The following EXOSC10 variants were observed in gnomAD, a reference collection of about 807,000 sequenced individuals.
The protein encoded by EXOSC10 is exosome complex component 10.
EXOSC10 carries 94 observed loss-of-function variants against 126.6 expected under a neutral mutation model. That is an observed-to-expected ratio of 0.74 (90% confidence interval 0.63 to 0.88). EXOSC10 has a LOEUF of 0.88. Among genes scored for constraint, EXOSC10 ranks in the 40% least tolerant of loss-of-function variants. The pLI, the probability that EXOSC10 is intolerant of heterozygous loss-of-function variation, is 0.00. For missense variants in EXOSC10, 1,041 were observed against 1,100.5 expected (o/e 0.95, Z 0.77); for synonymous variants, 395 against 400.8 (o/e 0.99, Z 0.17).
At position 11,080,563 on chromosome 1, in the gene EXOSC10, A is replaced by ACAC. The variant is rs1553166014; in HGVS notation, c.1587-15_1587-14insGTG. ...GGCAGTACATATCTGGAAAAAAAAA[A>ACAC]ACACACACACACACACACACACACA... On this transcript the variant is annotated splice_polypyrimidine_tract_variant and intron_variant, in intron 12 of 24. Coordinates refer to ENST00000376936, the MANE Select transcript of EXOSC10 (RefSeq NM_001001998.3). 696 of 1,423,150 alleles carry ACAC rather than the reference A, an allele frequency of 4.9e-4. 3 individuals are homozygous for ACAC. The African/African-American group carries it at 7.4e-3, about 15-fold the overall frequency. The allele number at this position is 1,423,150 out of a possible 1,614,324, so 88.2% of individuals were successfully genotyped here. A position where few individuals can be genotyped will look rare whatever the true frequency, so the allele number is the denominator to read the frequency against.
At chr1:11,077,826 A>G (rs1639905936) in intron 14 of EXOSC10, among the ~76,000 whole-genome samples, 175 bp from the exon 15 acceptor site, 1 of 152,196 alleles carries the variant, frequency 6.6e-6, no homozygotes, top group South Asian at 2.1e-4. Flanking sequence ...GGTGCTCAAT[A>G]ATTATTTGTA....
chr1:11,095,989 T>TC, intron 2 of EXOSC10, 108 bp from the exon 3 acceptor site: 1 of 249,650 alleles, frequency 4.0e-6, no homozygotes, highest in Non-Finnish European at 6.5e-6. Flanking sequence ...CCAACACATC[T>TC]TTTTTTTTTT....
Position 11,097,968 on chromosome 1 carries a change from C to G in EXOSC10, c.248+52G>C, listed in dbSNP as rs80094193. On this transcript the variant is annotated intron_variant, in intron 2 of 24. Transcript: ENST00000376936. Reference sequence around the variant, plus strand: ...AATTTCAGGAAAAATTTATCTACTTCTTTGTTTTCATTTCTTTTCACTAAC... The same window carrying G: ...AATTTCAGGAAAAATTTATCTACTTGTTTGTTTTCATTTCTTTTCACTAAC... 1.5e-3 allele frequency: 2,175 copies of G among 1,436,726 alleles called. 30 individuals carry two copies. In the African/African-American group the frequency reaches 0.028, roughly 19 times the overall value. 89.0% of individuals were successfully genotyped at this position (1,436,726 alleles called of 1,614,324 possible).
Position 11,077,760 on chromosome 1 carries a change from C to T in EXOSC10, c.1750-109G>A, listed in dbSNP as rs1026342674. ...CTTCACCAGCCTGTTTCTCAAAAGC[C>T]CAGAGATTTTCTTTCCTCTCTTCAC... is the stretch of plus-strand genomic sequence containing the variant. On this transcript the variant is annotated intron_variant, in intron 14 of 24. Coordinates refer to ENST00000376936, the MANE Select transcript of EXOSC10 (RefSeq NM_001001998.3). 2.1e-5 allele frequency: 20 copies of T among 947,296 alleles called. 1 individual carries two copies. The African/African-American group carries it at 3.1e-4, about 15-fold the overall frequency. 58.7% of individuals were successfully genotyped at this position (947,296 alleles called of 1,614,324 possible). A position where few individuals can be genotyped will look rare whatever the true frequency, so the allele number is the denominator to read the frequency against.
chr1:11,090,589 G>C lies in EXOSC10; in HGVS notation c.723C>G (p.Ile241Met), dbSNP rs1213880199. 2 of 1,614,018 alleles carry C rather than the reference G, an allele frequency of 1.2e-6. No homozygotes were observed. The highest frequency in any genetic ancestry group is 1.7e-5 in the Admixed American group (1 of 59,994). Reference protein sequence around the residue: ...LDVPPALADFIHQQRTQQVEQ... With the variant: ...LDVPPALADFMHQQRTQQVEQ... ...CAACCTGCTGGGTTCTCTGCTGATG[G>C]ATGAAATCAGCCAGTGCAGGGGGGA... is the stretch of plus-strand genomic sequence containing the variant. Residue 241 changes from isoleucine to methionine, a missense_variant, in exon 6 of 25, where the codon ATC (isoleucine) becomes ATG (methionine). Around this residue, in one of 3 missense-constraint regions of EXOSC10, gnomAD observed 645 missense variants for 656.3 expected, o/e 0.98. Coordinates refer to ENST00000376936, the MANE Select transcript of EXOSC10 (RefSeq NM_001001998.3).
intron 17 of EXOSC10, among the ~76,000 whole-genome samples, chr1:11,075,400 T>C (rs1639752077): frequency 6.6e-6 from 1 of 152,146 alleles, no homozygotes; most frequent in Admixed American, 6.5e-5. Context: ...TTCATAAATA[T>C]GTGCTATCCT....
At chr1:11,082,571 G>C (rs1452957586) in intron 10 of EXOSC10, 117 bp downstream of exon 10, 11 of 1,524,288 alleles carry the variant, frequency 7.2e-6, no homozygotes, top group Non-Finnish European at 9.7e-6. Flanking sequence ...CGAAAAGCCT[G>C]ATGCCATTCA....
intron 21 of EXOSC10, among the ~76,000 whole-genome samples, chr1:11,069,968 G>A (rs1639362801): frequency 6.6e-6 from 1 of 152,182 alleles, no homozygotes; most frequent in African/African-American, 2.4e-5. Flanking sequence ...AGGTGCAGTG[G>A]CTCATGCCTA....
chr1:11,097,047 T>TA (rs962205475), intron 2 of EXOSC10, among the ~76,000 whole-genome samples: 1 of 151,744 alleles, frequency 6.6e-6, no homozygotes, highest in African/African-American at 2.4e-5. Context: ...CCTCCTCTAC[T>TA]AAAAATACAA....
chr1:11,067,957 C>A lies in EXOSC10; in HGVS notation c.2627+51G>T, dbSNP rs117412229. 5.1e-3 allele frequency: 7,754 copies of A among 1,522,744 alleles called. 51 individuals are homozygous for A. The highest frequency in any genetic ancestry group is 0.012 in the South Asian group (1,027 of 88,822). The allele number at this position is 1,522,744 out of a possible 1,614,324, so 94.3% of individuals were successfully genotyped here. ...TCCCCACGGACCACACCACGCAGGG[C>A]AGGTGCTTTCTCACTGGGCTCCCTG... On this transcript the variant is annotated intron_variant, in intron 24 of 24. Coordinates refer to ENST00000376936, the MANE Select transcript of EXOSC10 (RefSeq NM_001001998.3).
At chr1:11,094,704 G>C (rs149734928) in intron 3 of EXOSC10, among the ~76,000 whole-genome samples, 1 of 151,598 alleles carries the variant, frequency 6.6e-6, no homozygotes, top group South Asian at 2.1e-4. Context: ...GGGTTCAAGC[G>C]ATTCTCCTGC....
At position 11,098,138 on chromosome 1, in the gene EXOSC10, C is replaced by A; in HGVS notation, c.130G>T (p.Val44Leu). The A allele has an allele frequency of 6.2e-7, 1 of 1,608,084 alleles. No homozygotes were observed. Among genetic ancestry groups the A allele is most frequent in the Non-Finnish European group, 8.5e-7 (1 of 1,178,420 alleles). ...CCCCCAGATGCCTTGGTGACTGCCA[C>A]CACGGACCCAAGAGCAAACTGTCAA... ...SFVKFALGSV[V>L]AVTKASGGLP... Residue 44 changes from valine (V) to leucine (L), a missense_variant, in exon 2 of 25, where the codon GTG (valine) becomes TTG (leucine). By Grantham distance (32) the Val-to-Leu change is conservative. Coordinates refer to ENST00000376936, the MANE Select transcript of EXOSC10 (RefSeq NM_001001998.3).
intron 20 of EXOSC10, 81 bp from the exon 21 acceptor site, chr1:11,071,054 G>T: frequency 1.5e-6 from 2 of 1,344,276 alleles, no homozygotes; most frequent in Non-Finnish European, 1.0e-6. Flanking sequence ...CTCCGACTTG[G>T]CCTAGCCACA....
rs70977546 is a variant in EXOSC10 at position 11,096,471 on chromosome 1, CTTTTTTTTTTTT to C, written c.249-602_249-591del. Among the ~76,000 whole-genome samples the C allele has an allele frequency of 3.4e-5, 4 of 118,804 alleles. No homozygotes were observed. In the Admixed American group the frequency reaches 3.6e-4, roughly 11 times the overall value. The allele number at this position is 118,804 out of a possible 152,430, so 77.9% of individuals were successfully genotyped here. ...AGCCTTTTTCTTTCTTTCTTTCTTT[CTTTTTTTTTTTT>C]TTTTTTTTAAAGAGACAGGGTCTTG... On this transcript the variant is annotated intron_variant, in intron 2 of 24. Coordinates refer to ENST00000376936, the MANE Select transcript of EXOSC10 (RefSeq NM_001001998.3).
At chr1:11,071,362 G>A (rs1411979785) in intron 20 of EXOSC10, 1 of 227,852 alleles carries the variant, frequency 4.4e-6, no homozygotes, top group East Asian at 1.0e-4. Flanking sequence ...CTTCATCCAA[G>A]GTTCCCTTCC....
intron 14 of EXOSC10, among the ~76,000 whole-genome samples, chr1:11,078,718 A>C (rs974496121): frequency 1.3e-5 from 2 of 152,124 alleles, no homozygotes; most frequent in Non-Finnish European, 2.9e-5. Context: ...GGGAGCTATC[A>C]CTTCACATCT....
intron 21 of EXOSC10, 60 bp downstream of exon 21, chr1:11,070,840 T>A: frequency 1.4e-6 from 2 of 1,460,688 alleles, no homozygotes; most frequent in Non-Finnish European, 1.9e-6. Context: ...CCAAGGAAGA[T>A]CCTGACCACA....
chr1:11,095,693 G>A, intron 3 of EXOSC10, 65 bp downstream of exon 3: 10 of 1,492,298 alleles, frequency 6.7e-6, no homozygotes, highest in Admixed American at 1.7e-5. Flanking sequence ...CAGCCTGGGC[G>A]ACAGAGCGAG....
intron 6 of EXOSC10, among the ~76,000 whole-genome samples, chr1:11,089,710 C>T (rs1640698580): frequency 1.3e-5 from 2 of 151,828 alleles, no homozygotes; most frequent in Non-Finnish European, 2.9e-5. Context: ...GTAATCCCAA[C>T]CCCCAACCCT....
Sources: gnomAD v4.1 joint callset for allele counts (sites outside exome capture counted in the v4.1 genomes callset) on GRCh38, gnomAD v4.1.1 for gene constraint, gnomAD v4.1.1 regional missense constraint, MANE v1.5 for transcripts, NCBI Gene and HGNC (gene_info 2026-07-23, HGNC 2026-07-21) for gene names.